IMMP2L: variants seen among roughly 807,000 people sequenced by gnomAD.
IMMP2L encodes inner mitochondrial membrane peptidase subunit 2.
Under a neutral mutation model 19.3 loss-of-function variants are expected in IMMP2L, and 18 were observed. That is an observed-to-expected ratio of 0.93 (90% CI 0.64 to 1.38). The LOEUF is 1.38. Among genes scored for constraint, IMMP2L ranks in the 40% most tolerant of loss-of-function variants. The probability of loss-of-function intolerance (pLI) is 0.00; values close to 1 mark genes in which losing one functional copy is unlikely to be tolerated. For missense variants in IMMP2L, 233 were observed against 218.2 expected (o/e 1.07, Z -0.43); for synonymous variants, 76 against 73.0 (o/e 1.04, Z -0.21).
chr7:111,342,662 T>C (rs1355076417), intron 3 of IMMP2L, among the ~76,000 whole-genome samples: 1 of 152,062 alleles, frequency 6.6e-6, no homozygotes, highest in Admixed American at 6.6e-5. Flanking sequence ...CTCTGTATTA[T>C]CTTATTGATC....
chr7:110,887,409 T>G (rs971666544), intron 4 of IMMP2L, among the ~76,000 whole-genome samples: 4 of 152,102 alleles, frequency 2.6e-5, no homozygotes, highest in African/African-American at 7.2e-5. Flanking sequence ...CAATGTATAA[T>G]GGTATAATGT....
chr7:111,125,859 G>A (rs1352077971), intron 3 of IMMP2L, among the ~76,000 whole-genome samples: 1 of 120,228 alleles, frequency 8.3e-6, no homozygotes, highest in African/African-American at 3.3e-5. Context: ...GTCTCCCTCT[G>A]TTGCTCAGGC....
chr7:111,281,945 T>C (rs959059386), intron 3 of IMMP2L, among the ~76,000 whole-genome samples: 1 of 152,178 alleles, frequency 6.6e-6, no homozygotes. Context: ...GTAGCATAAT[T>C]GTTGCTAAGT....
At chr7:110,696,276 T>C (rs1793865941) in intron 5 of IMMP2L, among the ~76,000 whole-genome samples, 1 of 152,122 alleles carries the variant, frequency 6.6e-6, no homozygotes, top group African/African-American at 2.4e-5. Flanking sequence ...TTCTAAGTAG[T>C]GAGTGACATG....
chr7:111,044,812 G>A (rs954614004), intron 3 of IMMP2L, among the ~76,000 whole-genome samples: 5 of 152,102 alleles, frequency 3.3e-5, no homozygotes, highest in Non-Finnish European at 7.4e-5. Flanking sequence ...GTGAACTAAT[G>A]AATGACAATC....
chr7:111,326,533 C>T lies in IMMP2L; in HGVS notation c.239+160705G>A, dbSNP rs115399086. On this transcript the variant is annotated intron_variant, in intron 3 of 5. Transcript: ENST00000405709. ...AACATATTCCTCATTAAGATTCCTA[C>T]TTCTCATAAACATTTCTCCAAAGAA... Among the ~76,000 whole-genome samples, 423 of 151,858 alleles carry T rather than the reference C, an allele frequency of 2.8e-3. 1 individual carries two copies. The highest frequency in any genetic ancestry group is 9.5e-3 in the African/African-American group (394 of 41,494).
intron 3 of IMMP2L, among the ~76,000 whole-genome samples, chr7:111,446,081 T>A (rs1016524086): frequency 1.3e-5 from 2 of 151,768 alleles, no homozygotes; most frequent in African/African-American, 4.8e-5. Context: ...CGCTGATTGC[T>A]AGCACAGCAG....
intron 3 of IMMP2L, among the ~76,000 whole-genome samples, chr7:111,173,509 A>G (rs963106428): frequency 5.3e-5 from 8 of 151,594 alleles, no homozygotes; most frequent in African/African-American, 1.9e-4. Flanking sequence ...CTGTTATGAG[A>G]GTGTATGAAT....
chr7:111,441,791 T>C (rs1837753141), intron 3 of IMMP2L, among the ~76,000 whole-genome samples: 1 of 150,456 alleles, frequency 6.6e-6, no homozygotes, highest in Admixed American at 6.6e-5. Context: ...TTTAAAAAAG[T>C]GTTCTTGTAT....
At chr7:111,271,339 G>A (rs1372957568) in intron 3 of IMMP2L, among the ~76,000 whole-genome samples, 4 of 152,022 alleles carry the variant, frequency 2.6e-5, no homozygotes, top group African/African-American at 9.7e-5. Flanking sequence ...TGTGAGAATG[G>A]ATTAATATAC....
At chr7:111,488,311 T>C (rs1243218775) in intron 2 of IMMP2L, among the ~76,000 whole-genome samples, 1 of 152,168 alleles carries the variant, frequency 6.6e-6, no homozygotes, top group African/African-American at 2.4e-5. Context: ...CTGTACCCAG[T>C]GTGTAGGCTT....
intron 5 of IMMP2L, among the ~76,000 whole-genome samples, chr7:110,707,002 T>A (rs1221274669): frequency 1.3e-3 from 36 of 26,930 alleles, no homozygotes; most frequent in African/African-American, 6.7e-3. Flanking sequence ...TTTTTTTTTT[T>A]AATTTTTTTT....
At chr7:110,827,374 CT>C (rs1310574175) in intron 5 of IMMP2L, among the ~76,000 whole-genome samples, 4 of 152,130 alleles carry the variant, frequency 2.6e-5, no homozygotes, top group Non-Finnish European at 5.9e-5. Context: ...CCACAGAGTT[CT>C]TTTTAGTGAG....
intron 3 of IMMP2L, among the ~76,000 whole-genome samples, chr7:111,060,903 C>A (rs1031722766): frequency 3.3e-5 from 5 of 152,186 alleles, no homozygotes; most frequent in African/African-American, 1.2e-4. Flanking sequence ...TTCATCCTCA[C>A]AAACTATAAG....
intron 3 of IMMP2L, among the ~76,000 whole-genome samples, chr7:111,184,741 T>A (rs996618460): frequency 6.7e-6 from 1 of 148,716 alleles, no homozygotes; most frequent in African/African-American, 2.5e-5. Flanking sequence ...AATGCCACCA[T>A]TCAGAACTAC....
At chr7:111,331,427 G>T (rs986000358) in intron 3 of IMMP2L, among the ~76,000 whole-genome samples, 1 of 151,852 alleles carries the variant, frequency 6.6e-6, no homozygotes, top group African/African-American at 2.4e-5. Context: ...CAGGCAGTAA[G>T]GAATGGGGAA....
intron 4 of IMMP2L, among the ~76,000 whole-genome samples, chr7:110,946,881 C>T (rs966864212): frequency 1.1e-4 from 17 of 151,944 alleles, no homozygotes; most frequent in Admixed American, 8.5e-4. Context: ...CCACCACACC[C>T]GGCTAATTTT....
At chr7:111,300,648 C>T (rs761329391) in intron 3 of IMMP2L, among the ~76,000 whole-genome samples, 3 of 152,100 alleles carry the variant, frequency 2.0e-5, no homozygotes, top group South Asian at 2.1e-4. Flanking sequence ...GTCCTGACTC[C>T]GGGCAACCAT....
At chr7:110,897,169 A>G (rs1811408604) in intron 4 of IMMP2L, among the ~76,000 whole-genome samples, 1 of 152,146 alleles carries the variant, frequency 6.6e-6, no homozygotes, top group Admixed American at 6.6e-5. Context: ...ATAACATACG[A>G]AAATACCTCA....
Sources: gnomAD v4.1 joint callset for allele counts (sites outside exome capture counted in the v4.1 genomes callset) on GRCh38, gnomAD v4.1.1 for gene constraint, MANE v1.5 for transcripts, NCBI Gene and HGNC (gene_info 2026-07-23, HGNC 2026-07-21) for gene names.